HEMK2: variants seen among roughly 807,000 people sequenced by gnomAD.
HEMK2 encodes the protein HemK methyltransferase 2, ETF1 glutamine and histone H4 lysine.
At chr21:28,636,063 C>T in the HEMK2 span, among the ~76,000 whole-genome samples, 100 of 152,294 alleles carry the variant, frequency 6.6e-4, no homozygotes, top group Middle Eastern at 3.4e-3. Flanking sequence ...CCACACTGTG[C>T]TTGTTCCACA....
chr21:28,711,342 C>A, the HEMK2 span, among the ~76,000 whole-genome samples: 8 of 152,104 alleles, frequency 5.3e-5, no homozygotes, highest in Non-Finnish European at 1.2e-4. Flanking sequence ...CATCAAATAT[C>A]TGTGTATCTC....
the HEMK2 span, among the ~76,000 whole-genome samples, chr21:28,637,796 T>A: frequency 5.1e-4 from 77 of 152,298 alleles, no homozygotes; most frequent in African/African-American, 1.8e-3. Context: ...TTGAAGAATT[T>A]TAATATAAGC....
the HEMK2 span, among the ~76,000 whole-genome samples, chr21:28,723,435 T>C: frequency 6.6e-6 from 1 of 152,182 alleles, no homozygotes; most frequent in African/African-American, 2.4e-5. Flanking sequence ...CTGAACCGCA[T>C]CACCAGCCTG....
the HEMK2 span, among the ~76,000 whole-genome samples, chr21:28,637,818 C>T: frequency 6.6e-6 from 1 of 152,100 alleles, no homozygotes; most frequent in Non-Finnish European, 1.5e-5. Context: ...TGATAGTTTA[C>T]AACTGCTGTG....
the HEMK2 span, among the ~76,000 whole-genome samples, chr21:28,595,635 T>C: frequency 1.3e-5 from 2 of 152,146 alleles, no homozygotes; most frequent in African/African-American, 4.8e-5. Context: ...CTGCAAGAAA[T>C]ATGGGAGTGC....
the HEMK2 span, among the ~76,000 whole-genome samples, chr21:28,620,651 CTCTCT>C: frequency 3.2e-5 from 3 of 94,714 alleles, no homozygotes; most frequent in Admixed American, 1.2e-4. Flanking sequence ...TGTGATTCTT[CTCTCT>C]TTTCTTTTTT....
At chr21:28,725,575 C>A in the HEMK2 span, among the ~76,000 whole-genome samples, 1 of 152,184 alleles carries the variant, frequency 6.6e-6, no homozygotes, top group African/African-American at 2.4e-5. Flanking sequence ...GGATACCAGA[C>A]AAGAGTGAGG....
the HEMK2 span, among the ~76,000 whole-genome samples, chr21:28,701,990 A>G: frequency 2.0e-5 from 3 of 152,234 alleles, 1 homozygote; most frequent in South Asian, 4.1e-4. Flanking sequence ...ATATACACAG[A>G]CCAATAAAAG....
At chr21:28,721,729 T>C in the HEMK2 span, among the ~76,000 whole-genome samples, 1 of 152,122 alleles carries the variant, frequency 6.6e-6, no homozygotes, top group South Asian at 2.1e-4. Context: ...TAATTACATA[T>C]ATTACTTTAC....
the HEMK2 span, among the ~76,000 whole-genome samples, chr21:28,645,709 C>T: frequency 4.6e-5 from 7 of 152,016 alleles, no homozygotes; most frequent in Non-Finnish European, 1.0e-4. Flanking sequence ...AGGTCAGAAC[C>T]CTTGTAAATG....
the HEMK2 span, among the ~76,000 whole-genome samples, chr21:28,806,149 C>G: frequency 1.1e-3 from 162 of 152,294 alleles, 1 homozygote; most frequent in African/African-American, 3.8e-3. Flanking sequence ...GGAATTACGT[C>G]TCCAGTGCCC....
At chr21:28,853,610 G>A in the HEMK2 span, among the ~76,000 whole-genome samples, 1 of 152,174 alleles carries the variant, frequency 6.6e-6, no homozygotes, top group Admixed American at 6.5e-5. Context: ...AGTGTTGGGG[G>A]TGGCTCCTAA....
chr21:28,861,923 G>C, the HEMK2 span, among the ~76,000 whole-genome samples: 1 of 152,158 alleles, frequency 6.6e-6, no homozygotes, highest in South Asian at 2.1e-4. Flanking sequence ...TGCTGGCCTA[G>C]AGGTCTTAAT....
At chr21:28,655,737 ACTAG>A in the HEMK2 span, among the ~76,000 whole-genome samples, 1 of 152,246 alleles carries the variant, frequency 6.6e-6, no homozygotes, top group East Asian at 1.9e-4. Flanking sequence ...CCAAGTCAGT[ACTAG>A]CTCTCTGATA....
the HEMK2 span, among the ~76,000 whole-genome samples, chr21:28,774,744 T>C: frequency 6.6e-6 from 1 of 152,228 alleles, no homozygotes; most frequent in Non-Finnish European, 1.5e-5. Flanking sequence ...AGTAGAAATA[T>C]TTTCCTATTT....
At chr21:28,841,437 T>A in the HEMK2 span, among the ~76,000 whole-genome samples, 7 of 77,744 alleles carry the variant, frequency 9.0e-5, no homozygotes, top group South Asian at 3.4e-4. Context: ...AATATATATA[T>A]TATATATAAA....
chr21:28,614,379 T>A, the HEMK2 span, among the ~76,000 whole-genome samples: 2 of 151,984 alleles, frequency 1.3e-5, no homozygotes, highest in East Asian at 1.9e-4. Context: ...TAGTTAGGAT[T>A]ACTTTTGATA....
chr21:28,654,861 G>A, the HEMK2 span, among the ~76,000 whole-genome samples: 1 of 152,006 alleles, frequency 6.6e-6, no homozygotes, highest in East Asian at 1.9e-4. Context: ...CTTATGCCAA[G>A]GATACAAAAT....
At chr21:28,660,326 T>G in the HEMK2 span, among the ~76,000 whole-genome samples, 2 of 151,792 alleles carry the variant, frequency 1.3e-5, no homozygotes, top group African/African-American at 2.4e-5. Context: ...CACTAACATG[T>G]TGAACAGTAA....
Sources: allele counts gnomAD v4.1 joint callset (sites outside exome capture counted in the v4.1 genomes callset), GRCh38; gene constraint gnomAD v4.1.1; transcripts MANE v1.5; gene names NCBI Gene and HGNC (gene_info 2026-07-23, HGNC 2026-07-21).